The following LHFPL3 variants were observed in gnomAD, a reference collection of about 807,000 sequenced individuals.
The protein encoded by LHFPL3 is LHFPL tetraspan subfamily member 3.
Under a neutral mutation model 19.3 loss-of-function variants are expected in LHFPL3, and 5 were observed. The observed-to-expected ratio is 0.26, with a 90% CI of 0.14 to 0.54. The LOEUF (loss-of-function observed/expected upper bound fraction) is 0.54. Ranked by LOEUF, LHFPL3 falls within the 20% of genes least tolerant of loss-of-function variation. The pLI is 0.94. For missense variants in LHFPL3, 249 were observed against 307.4 expected, an observed-to-expected ratio of 0.81 and a Z score of 1.42; for synonymous variants, 133 against 126.2, an observed-to-expected ratio of 1.05 and a Z score of -0.36.
intron 1 of LHFPL3, among the ~76,000 whole-genome samples, chr7:104,519,073 A>G (rs906149475): frequency 7.2e-4 from 110 of 152,174 alleles, no homozygotes; most frequent in African/African-American, 2.6e-3. Flanking sequence ...CTGTTCCCTC[A>G]GGATCGTCAC....
chr7:104,754,203 G>A (rs1218140713), intron 2 of LHFPL3, among the ~76,000 whole-genome samples: 1 of 151,932 alleles, frequency 6.6e-6, no homozygotes, highest in Non-Finnish European at 1.5e-5. Flanking sequence ...GAAGTGTATG[G>A]ATCTTAAAAA....
chr7:104,452,047 A>G (rs1336077001), intron 1 of LHFPL3, among the ~76,000 whole-genome samples: 1 of 152,160 alleles, frequency 6.6e-6, no homozygotes, highest in Non-Finnish European at 1.5e-5. Flanking sequence ...CACCCAGCCT[A>G]AAATTTTCAA....
intron 2 of LHFPL3, among the ~76,000 whole-genome samples, chr7:104,777,765 T>A (rs193177373): frequency 1.2e-4 from 19 of 152,194 alleles, no homozygotes; most frequent in African/African-American, 4.6e-4. Context: ...TTTTTTTTTT[T>A]CCCTTCGTTC....
intron 1 of LHFPL3, among the ~76,000 whole-genome samples, chr7:104,525,796 A>T (rs1482843487): frequency 6.6e-6 from 1 of 151,936 alleles, no homozygotes; most frequent in Admixed American, 6.6e-5. Flanking sequence ...TAGTAGAGAC[A>T]GAGTTTTGCC....
chr7:104,732,703 GT>G (rs1440403755), intron 1 of LHFPL3, among the ~76,000 whole-genome samples: 1 of 152,066 alleles, frequency 6.6e-6, no homozygotes, highest in Non-Finnish European at 1.5e-5. Flanking sequence ...TTTTTGAAGG[GT>G]TTTTTATGTC....
At chr7:104,783,252 C>T (rs1051209372) in intron 2 of LHFPL3, among the ~76,000 whole-genome samples, 1 of 152,214 alleles carries the variant, frequency 6.6e-6, no homozygotes, top group Non-Finnish European at 1.5e-5. Flanking sequence ...ACTCTTTACC[C>T]AACAAGGAAT....
intron 2 of LHFPL3, chr7:104,845,582 G>GTCTT (rs1791298787): frequency 4.5e-6 from 2 of 441,352 alleles, no homozygotes; most frequent in Admixed American, 6.4e-5. Flanking sequence ...TAAATCTTCT[G>GTCTT]TCTTTGTTCC....
intron 1 of LHFPL3, among the ~76,000 whole-genome samples, chr7:104,380,497 G>C (rs1276768367): frequency 6.6e-6 from 1 of 152,106 alleles, no homozygotes; most frequent in Non-Finnish European, 1.5e-5. Flanking sequence ...TGCATCTGCA[G>C]ATTGAAAGAG....
intron 1 of LHFPL3, among the ~76,000 whole-genome samples, chr7:104,340,221 T>C (rs1033640509): frequency 4.6e-5 from 7 of 152,298 alleles, no homozygotes; most frequent in African/African-American, 1.2e-4. Flanking sequence ...TTGCAAGTTA[T>C]AGACATTTAA....
intron 2 of LHFPL3, among the ~76,000 whole-genome samples, chr7:104,766,471 A>AAAATACTT (rs1794461132): frequency 6.6e-6 from 1 of 152,176 alleles, no homozygotes; most frequent in Admixed American, 6.5e-5. Flanking sequence ...CTTTAAAACT[A>AAAATACTT]AAATACTTAA....
At chr7:104,835,507 C>G (rs1791073239) in intron 2 of LHFPL3, among the ~76,000 whole-genome samples, 1 of 151,752 alleles carries the variant, frequency 6.6e-6, no homozygotes, top group Non-Finnish European at 1.5e-5. Context: ...TATTGAGCAC[C>G]TACTATGTGC....
chr7:104,500,025 G>A (rs1183338970), intron 1 of LHFPL3, among the ~76,000 whole-genome samples: 1 of 152,202 alleles, frequency 6.6e-6, no homozygotes, highest in Non-Finnish European at 1.5e-5. Flanking sequence ...CTGTATATGT[G>A]GATGGGTAGA....
intron 1 of LHFPL3, among the ~76,000 whole-genome samples, chr7:104,524,226 G>A (rs1405694122): frequency 6.6e-6 from 1 of 152,142 alleles, no homozygotes; most frequent in South Asian, 2.1e-4. Context: ...AGGATTGATG[G>A]CAAGAGAAGG....
intron 1 of LHFPL3, among the ~76,000 whole-genome samples, chr7:104,500,734 C>T (rs745835569): frequency 5.8e-4 from 88 of 152,320 alleles, no homozygotes; most frequent in Admixed American, 4.6e-4. Flanking sequence ...TCAGATTATT[C>T]GCAAGCCTAA....
intron 1 of LHFPL3, among the ~76,000 whole-genome samples, chr7:104,413,804 A>T (rs550280503): frequency 4.4e-4 from 67 of 152,112 alleles, no homozygotes; most frequent in African/African-American, 1.5e-3. Context: ...AAGGCCATTT[A>T]AAAAAAATAA....
At chr7:104,767,829 C>T (rs1209063142) in intron 2 of LHFPL3, among the ~76,000 whole-genome samples, 1 of 152,162 alleles carries the variant, frequency 6.6e-6, no homozygotes, top group Non-Finnish European at 1.5e-5. Context: ...GTTTCTTTTT[C>T]TTTTTCCCAT....
At chr7:104,739,071 C>T (rs960103789) in intron 2 of LHFPL3, 1 of 152,094 alleles carries the variant, frequency 6.6e-6, no homozygotes, top group African/African-American at 2.4e-5. Context: ...ATTTTTATTT[C>T]TCAATTGAAA....
At chr7:104,873,661 T>C (rs966400188) in intron 2 of LHFPL3, among the ~76,000 whole-genome samples, 1 of 152,168 alleles carries the variant, frequency 6.6e-6, no homozygotes, top group Admixed American at 6.6e-5. Flanking sequence ...GAAACTGGTA[T>C]GTTAATGTTT....
intron 1 of LHFPL3, among the ~76,000 whole-genome samples, chr7:104,469,263 C>T (rs570438206): frequency 6.6e-6 from 1 of 152,310 alleles, no homozygotes; most frequent in South Asian, 2.1e-4. Flanking sequence ...ATCCCCAGCT[C>T]ATCAGCAGTG....
Sources: allele counts gnomAD v4.1 joint callset (sites outside exome capture counted in the v4.1 genomes callset), GRCh38; gene constraint gnomAD v4.1.1; transcripts MANE v1.5; gene names NCBI Gene and HGNC (gene_info 2026-07-23, HGNC 2026-07-21).